The following C13orf42 variants were observed in gnomAD, a reference collection of about 807,000 sequenced individuals.
C13orf42 encodes the protein uncharacterized protein C13orf42.
At chr13:51,169,439 T>C (rs1356728417) in intron 1 of C13orf42, among the ~76,000 whole-genome samples, 1 of 152,196 alleles carries the variant, frequency 6.6e-6, no homozygotes, top group East Asian at 1.9e-4. Flanking sequence ...CCATTTTCTG[T>C]GGAGGAATTC....
In C13orf42 at chr13:51,156,057, G is replaced by A. The variant is rs150540158; in HGVS notation, n.136+16196C>T. On this transcript the variant is annotated intron_variant and non_coding_transcript_variant, in intron 1 of 4. Transcript: ENST00000433280. Reference sequence around the variant, plus strand: ...TTCTCTTAGGCCACCTTGAGGATACGGGTGGCAGGAGAGATCTGGAGTGAC... The same window carrying A: ...TTCTCTTAGGCCACCTTGAGGATACAGGTGGCAGGAGAGATCTGGAGTGAC... Among the ~76,000 whole-genome samples the A allele has an allele frequency of 2.0e-3, 304 of 152,224 alleles. 1 individual carries two copies. Among genetic ancestry groups the A allele is most frequent in the African/African-American group, 7.0e-3 (291 of 41,548 alleles).
At chr13:51,092,653 A>G (rs1302994306) in intron 1 of C13orf42, among the ~76,000 whole-genome samples, 1 of 152,004 alleles carries the variant, frequency 6.6e-6, no homozygotes, top group African/African-American at 2.4e-5. Context: ...TTCATATATT[A>G]TCATATTTAA....
At chr13:51,117,888 C>T (rs1953504582) in intron 1 of C13orf42, among the ~76,000 whole-genome samples, 1 of 152,204 alleles carries the variant, frequency 6.6e-6, no homozygotes, top group Admixed American at 6.5e-5. Context: ...CATGTCATTG[C>T]TCCCTCACTC....
intron 1 of C13orf42, among the ~76,000 whole-genome samples, chr13:51,144,852 C>T (rs951251702): frequency 6.6e-6 from 1 of 152,190 alleles, no homozygotes; most frequent in Non-Finnish European, 1.5e-5. Context: ...GGAACAAAGT[C>T]CCATCAAAGC....
chr13:51,119,004 C>T lies in C13orf42; in HGVS notation n.137-5782G>A, dbSNP rs529968596. Among the ~76,000 whole-genome samples, 4 of 150,512 alleles carry T rather than the reference C, an allele frequency of 2.7e-5. No homozygotes were observed. In the South Asian group the frequency reaches 6.3e-4, roughly 24 times the overall value. The stretch of plus-strand genomic sequence containing the variant: ...CTGGTGTACAGTGTGCCCAGGTGTA[C>T]GGCATGCCCAAGAGTACAGTATGCC... On this transcript the variant is annotated intron_variant and non_coding_transcript_variant, in intron 1 of 4. Transcript: ENST00000433280.
chr13:51,098,279 A>G lies in C13orf42; in HGVS notation c.415-10204T>C, dbSNP rs193068341. On this transcript the variant is annotated intron_variant, in intron 1 of 3. Transcript: ENST00000563710. ...TTTCTGCAAGAGATCTAAATTCTAC[A>G]AAATAAACTTCCCGTTGTAAACAGC... Among the ~76,000 whole-genome samples the G allele has an allele frequency of 3.9e-5, 6 of 152,120 alleles. No individual in the cohort carries two copies. The East Asian group carries it at 1.2e-3, about 29-fold the overall frequency.
At chr13:51,115,140 A>G (rs1488378926), upstream of C13orf42, among the ~76,000 whole-genome samples, 2 of 152,248 alleles carry the variant, frequency 1.3e-5, no homozygotes, top group Non-Finnish European at 1.5e-5. Context: ...AGTTCCCAGC[A>G]TATAGTTGCC....
chr13:51,129,691 G>T (rs947043111), intron 1 of C13orf42, among the ~76,000 whole-genome samples: 3 of 151,950 alleles, frequency 2.0e-5, no homozygotes, highest in Non-Finnish European at 2.9e-5. Context: ...TAAAGTTTTG[G>T]TTAATAGAAA....
chr13:51,127,020 A>G (rs539328575), intron 1 of C13orf42, among the ~76,000 whole-genome samples: 9 of 152,134 alleles, frequency 5.9e-5, no homozygotes, highest in Non-Finnish European at 8.8e-5. Context: ...ATACAAAAAG[A>G]GCTGGGCGTG....
intron 1 of C13orf42, among the ~76,000 whole-genome samples, chr13:51,091,190 C>T (rs1953176751): frequency 6.6e-6 from 1 of 152,134 alleles, no homozygotes; most frequent in African/African-American, 2.4e-5. Context: ...CTCTGCTGGC[C>T]CAGTCAATAC....
intron 1 of C13orf42, among the ~76,000 whole-genome samples, chr13:51,164,165 T>C (rs1196506609): frequency 3.3e-5 from 5 of 152,190 alleles, no homozygotes; most frequent in Admixed American, 1.3e-4. Flanking sequence ...AACTTCAAAA[T>C]TGAAGTCATG....
chr13:51,134,585 A>T (rs1224271071), intron 1 of C13orf42, among the ~76,000 whole-genome samples: 1 of 152,210 alleles, frequency 6.6e-6, no homozygotes, highest in Non-Finnish European at 1.5e-5. Flanking sequence ...TTCTTTTATT[A>T]AACAAACAAG....
At chr13:51,110,705 A>G (rs1161171339) in intron 1 of C13orf42, 91 bp downstream of exon 1, 3 of 397,558 alleles carry the variant, frequency 7.5e-6, no homozygotes, top group Admixed American at 4.4e-5. Context: ...AGATTAATTA[A>G]GCCATGCAGA....
At chr13:51,168,348 C>G (rs900528866) in intron 1 of C13orf42, among the ~76,000 whole-genome samples, 2 of 152,236 alleles carry the variant, frequency 1.3e-5, no homozygotes, top group Non-Finnish European at 2.9e-5. Flanking sequence ...CTCCTAGTAA[C>G]TGTTGTCCCT....
intron 1 of C13orf42, among the ~76,000 whole-genome samples, chr13:51,100,320 C>T (rs1953276000): frequency 6.6e-6 from 1 of 151,994 alleles, no homozygotes; most frequent in African/African-American, 2.4e-5. Flanking sequence ...AGTATCTGCA[C>T]ATCAGAAAAC....
rs1953426768 is a variant in C13orf42, at chr13:51,111,095, T to G, written c.115A>C (p.Met39Leu). The G allele has an allele frequency of 1.3e-5, 5 of 398,506 alleles. No homozygotes were observed. Among genetic ancestry groups the G allele is most frequent in the Non-Finnish European group, 2.2e-5 (5 of 226,084 alleles). 24.7% of individuals were successfully genotyped at this position (398,506 alleles called of 1,614,324 possible). ...PAVKLIRSSS[M>L]YVVGDHGEKF... ...TCCCCGTGGTCCCCGACCACATACA[T>G]GGAACTGCTTCGAATCAGCTTCACT... The change falls in exon 1 of 4, where the codon ATG (methionine) becomes CTG (leucine). Residue 39 changes from methionine to leucine, a missense_variant. By Grantham distance (15) the Met-to-Leu change is conservative. Coordinates refer to ENST00000563710, the MANE Select transcript of C13orf42 (RefSeq NM_001351589.3).
At chr13:51,130,347 C>T (rs999677174) in intron 1 of C13orf42, among the ~76,000 whole-genome samples, 10 of 152,042 alleles carry the variant, frequency 6.6e-5, no homozygotes, top group African/African-American at 1.9e-4. Context: ...GTGAAATTAG[C>T]GTGCCCCCTA....
intron 1 of C13orf42, among the ~76,000 whole-genome samples, chr13:51,153,621 G>GTTTTTTGTT (rs1953799413): frequency 1.3e-4 from 11 of 82,034 alleles, no homozygotes; most frequent in Admixed American, 2.6e-4. Context: ...CTTGCTTTCT[G>GTTTTTTGTT]TTTTTTTTCT....
At chr13:51,087,305 G>A (rs985808459) in intron 2 of C13orf42, among the ~76,000 whole-genome samples, 3 of 152,318 alleles carry the variant, frequency 2.0e-5, no homozygotes, top group East Asian at 1.9e-4. Flanking sequence ...GGCAGCCACC[G>A]TGGGCCTCTC....
Sources: allele counts gnomAD v4.1 joint callset (sites outside exome capture counted in the v4.1 genomes callset), GRCh38; gene constraint gnomAD v4.1.1; transcripts MANE v1.5; gene names NCBI Gene and HGNC (gene_info 2026-07-23, HGNC 2026-07-21).